The following TAFA5 variants were observed in gnomAD, a reference collection of about 807,000 sequenced individuals.
TAFA5 encodes chemokine-like protein TAFA-5.
A neutral mutation model predicts 15.3 loss-of-function variants in TAFA5; 6 were observed. The observed-to-expected ratio is 0.39, with a 90% CI of 0.21 to 0.77. The LOEUF (loss-of-function observed/expected upper bound fraction) is 0.77. Ranked by LOEUF, TAFA5 falls within the 30% of genes least tolerant of loss-of-function variation. TAFA5 has a pLI of 0.41. For missense variants in TAFA5, 161 were observed against 193.1 expected (o/e 0.83, Z 0.98); for synonymous variants, 103 against 80.7 (o/e 1.28, Z -1.48).
chr22:48,605,201 A>ATGATGGTGG (rs1925121590), intron 1 of TAFA5, among the ~76,000 whole-genome samples: 1 of 4,932 alleles, frequency 2.0e-4, no homozygotes, highest in African/African-American at 7.9e-4. Context: ...GGTAATGGTG[A>ATGATGGTGG]TGATGGTGGT....
chr22:48,720,868 C>G (rs1929548297), intron 3 of TAFA5, among the ~76,000 whole-genome samples: 1 of 152,188 alleles, frequency 6.6e-6, no homozygotes, highest in African/African-American at 2.4e-5. Flanking sequence ...CCTGGAAGGG[C>G]TCCACGTCCT....
intron 1 of TAFA5, among the ~76,000 whole-genome samples, chr22:48,511,260 A>G (rs1479209038): frequency 6.6e-6 from 1 of 152,176 alleles, no homozygotes; most frequent in East Asian, 1.9e-4. Context: ...GAGAAGTCCA[A>G]CCAGTCTGGA....
At chr22:48,708,235 C>T (rs978471221) in intron 3 of TAFA5, among the ~76,000 whole-genome samples, 7 of 152,166 alleles carry the variant, frequency 4.6e-5, no homozygotes, top group Admixed American at 2.6e-4. Flanking sequence ...ATAACTCCCC[C>T]AGGGCACGGC....
At chr22:48,577,038 C>G (rs551616391) in intron 1 of TAFA5, among the ~76,000 whole-genome samples, 1 of 152,192 alleles carries the variant, frequency 6.6e-6, no homozygotes, top group Non-Finnish European at 1.5e-5. Flanking sequence ...GTCGGGAAAC[C>G]GGCCTGCGCA....
intron 2 of TAFA5, among the ~76,000 whole-genome samples, chr22:48,692,218 A>G (rs985548972): frequency 1.3e-5 from 2 of 151,966 alleles, no homozygotes; most frequent in South Asian, 4.1e-4. Context: ...GCAGGATGTC[A>G]GACAGTGAGA....
chr22:48,695,639 T>G lies in TAFA5; in HGVS notation c.263-12078T>G, dbSNP rs115534885. Among the ~76,000 whole-genome samples the G allele has an allele frequency of 4.2e-3, 634 of 152,238 alleles. 5 individuals are homozygous for G. Among genetic ancestry groups the G allele is most frequent in the African/African-American group, 0.015 (609 of 41,528 alleles). ...CCTGTGACGTCAGACCAAGGAACAG[T>G]CCTATGGACAATTGGCTTCTCTTCA... On this transcript the variant is annotated intron_variant, in intron 2 of 3. Transcript: ENST00000402357.
chr22:48,677,802 C>G (rs555989396), intron 2 of TAFA5, among the ~76,000 whole-genome samples: 1 of 152,260 alleles, frequency 6.6e-6, no homozygotes, highest in East Asian at 1.9e-4. Context: ...ACAGGCCACC[C>G]AAGCACAGCT....
At chr22:48,503,076 G>T (rs1920962248) in intron 1 of TAFA5, among the ~76,000 whole-genome samples, 1 of 152,196 alleles carries the variant, frequency 6.6e-6, no homozygotes, top group Non-Finnish European at 1.5e-5. Context: ...TGTGAGTCTT[G>T]TTGGCTCATT....
intron 1 of TAFA5, among the ~76,000 whole-genome samples, chr22:48,575,630 G>GGCCCAGCGTGGGCA (rs1923747192): frequency 6.8e-6 from 1 of 146,394 alleles, no homozygotes; most frequent in African/African-American, 2.4e-5. Context: ...CGGCAGCGGC[G>GGCCCAGCGTGGGCA]GCCCAGCGTG....
rs183993006 is a variant in TAFA5 at position 48,643,294 on chromosome 22, C to G, written c.113-3303C>G. Among the ~76,000 whole-genome samples, 14 of 152,290 alleles carry G rather than the reference C, an allele frequency of 9.2e-5. No homozygotes were observed. In the East Asian group the frequency reaches 1.6e-3, roughly 17 times the overall value. ...GGAAGCTCCTGCAAGGCCCTGATGCCTCCTCTGGGAAGCTTCCCAGTGGCC... is the reference window on the plus strand; with the variant it reads ...GGAAGCTCCTGCAAGGCCCTGATGCGTCCTCTGGGAAGCTTCCCAGTGGCC... On this transcript the variant is annotated intron_variant, in intron 1 of 3. Transcript: ENST00000402357.
Position 48,489,788 on chromosome 22 carries a change from C to A in TAFA5, c.112+84C>A. On this transcript the variant is annotated intron_variant, in intron 1 of 3. Coordinates refer to ENST00000402357, the MANE Select transcript of TAFA5 (RefSeq NM_001082967.3). The surrounding 1 kb of genome is among the most constrained non-coding windows in gnomAD (Gnocchi z 5.5). ...CGGCCCCGGCAGGCGCCCCGCGGGCCTCCCGGAGTCGGCGCGGAGTTACGA... is the reference window on the plus strand; with the variant it reads ...CGGCCCCGGCAGGCGCCCCGCGGGCATCCCGGAGTCGGCGCGGAGTTACGA... 1 of 817,490 alleles carries A rather than the reference C, an allele frequency of 1.2e-6. No individual in the cohort carries two copies. Among genetic ancestry groups the A allele is most frequent in the Non-Finnish European group, 1.7e-6 (1 of 591,556 alleles). 50.6% of individuals were successfully genotyped at this position (817,490 alleles called of 1,614,324 possible).
Position 48,742,046 on chromosome 22 carries a change from G to A in TAFA5, c.391-7793G>A, listed in dbSNP as rs999208343. Among the ~76,000 whole-genome samples the A allele has an allele frequency of 2.0e-5, 3 of 152,192 alleles. No homozygotes were observed. The highest frequency in any genetic ancestry group is 6.5e-5 in the Admixed American group (1 of 15,292). ...ACTGTTCCTATCCCGTGTTACAGAC[G>A]GGGAAACTGGGGCTCCCAGAGGCTC... On this transcript the variant is annotated intron_variant, in intron 3 of 3. Coordinates refer to ENST00000402357, the MANE Select transcript of TAFA5 (RefSeq NM_001082967.3). The surrounding 1 kb of genome is among the most constrained non-coding windows in gnomAD (Gnocchi z 6.2).
intron 1 of TAFA5, among the ~76,000 whole-genome samples, chr22:48,630,246 T>G (rs1926168815): frequency 6.6e-6 from 1 of 152,114 alleles, no homozygotes; most frequent in Non-Finnish European, 1.5e-5. Flanking sequence ...GCATCTCTGG[T>G]TGGAGGCGAG....
At chr22:48,643,164 G>A (rs1007518432) in intron 1 of TAFA5, among the ~76,000 whole-genome samples, 3 of 152,228 alleles carry the variant, frequency 2.0e-5, no homozygotes, top group Non-Finnish European at 2.9e-5. Flanking sequence ...ACTGCAACCC[G>A]GCTGCCATGT....
intron 1 of TAFA5, among the ~76,000 whole-genome samples, chr22:48,586,380 A>C (rs1322945236): frequency 6.6e-6 from 1 of 152,210 alleles, no homozygotes; most frequent in African/African-American, 2.4e-5. Context: ...TGGGACGAGG[A>C]AGCCCCACCT....
intron 2 of TAFA5, among the ~76,000 whole-genome samples, chr22:48,705,666 G>T (rs140746981): frequency 5.8e-4 from 88 of 152,364 alleles, no homozygotes; most frequent in African/African-American, 2.1e-3. Context: ...CAAGACTTGG[G>T]AACTGCAGAG....
chr22:48,505,591 G>C (rs886351749), intron 1 of TAFA5, among the ~76,000 whole-genome samples: 8 of 152,246 alleles, frequency 5.3e-5, no homozygotes, highest in African/African-American at 1.4e-4. Context: ...ACTGCCATCA[G>C]CCTACAGCTT....
chr22:48,584,512 C>G (rs917256505), intron 1 of TAFA5, among the ~76,000 whole-genome samples: 1 of 150,492 alleles, frequency 6.6e-6, no homozygotes, highest in African/African-American at 2.4e-5. Flanking sequence ...ACCACACACA[C>G]ACACACATAC....
Position 48,560,590 on chromosome 22 carries a change from T to A in TAFA5, c.112+70886T>A, listed in dbSNP as rs201978380. Among the ~76,000 whole-genome samples the A allele has an allele frequency of 0.18, 3,529 of 19,880 alleles. 139 individuals carry two copies. Among genetic ancestry groups the A allele is most frequent in the East Asian group, 0.47 (835 of 1,794 alleles). 13.0% of individuals were successfully genotyped at this position (19,880 alleles called of 152,430 possible). On this transcript the variant is annotated intron_variant, in intron 1 of 3. Transcript: ENST00000402357. This position sits in a 1 kb window ranked among gnomAD's most constrained non-coding sequence, Gnocchi z 4.2. ...ATTTTATTATTATTATTATTATTAT[T>A]ATATTATTATTATTAATTATTTATT...
Sources: allele counts gnomAD v4.1 joint callset (sites outside exome capture counted in the v4.1 genomes callset), GRCh38; gene constraint gnomAD v4.1.1; non-coding constraint Gnocchi (gnomAD v3.1); transcripts MANE v1.5; gene names NCBI Gene and HGNC (gene_info 2026-07-23, HGNC 2026-07-21).